The following C5orf58 variants were observed in gnomAD, a reference collection of about 807,000 sequenced individuals.
C5orf58 encodes chromosome 5 open reading frame 58, also known as putative uncharacterized protein C5orf58.
A neutral mutation model predicts 2.9 loss-of-function variants in C5orf58; 2 were observed. The ratio of observed to expected loss-of-function variants is 0.69; its 90% CI spans 0.28 to 2.18. The LOEUF (loss-of-function observed/expected upper bound fraction) is 2.18. Ranked by LOEUF, C5orf58 falls within the 30% of genes most tolerant of loss-of-function variation. The pLI, the probability that C5orf58 is intolerant of heterozygous loss-of-function variation, is 0.13. For synonymous variants in C5orf58, 37 were observed against 33.4 expected (o/e 1.11, Z -0.37); for missense variants, 96 against 91.7 (o/e 1.05, Z -0.19).
rs147281354 is a variant in C5orf58 at position 170,234,029 on chromosome 5, C to T, written c.-84-86C>T. The T allele has an allele frequency of 1.9e-4, 132 of 709,926 alleles. 1 individual carries two copies. In the East Asian group the frequency reaches 6.9e-3, roughly 37 times the overall value. The allele number at this position is 709,926 out of a possible 1,614,324, so 44.0% of individuals were successfully genotyped here. A position where few individuals can be genotyped will look rare whatever the true frequency, so the allele number is the denominator to read the frequency against. ...AACTTGACTCTTGGTTTGGCATGCC[C>T]AAGGAAGGCAGCTGACATCCTGGAG... On this transcript the variant is annotated intron_variant, in intron 1 of 3. Transcript: ENST00000593851.
intron 2 of C5orf58, chr5:170,251,496 AT>A: frequency 3.8e-6 from 1 of 266,146 alleles, no homozygotes; most frequent in South Asian, 3.7e-5. Context: ...TTATTGCTAC[AT>A]AATATTAATA....
At chr5:170,234,090 A>G in intron 1 of C5orf58, 25 bp from the exon 2 acceptor site, 1 of 1,338,104 alleles carries the variant, frequency 7.5e-7, no homozygotes, top group Non-Finnish European at 1.0e-6. Flanking sequence ...AGCGCATTTT[A>G]TTAATGTCTG....
rs774282513 is a variant in C5orf58, at chr5:170,235,012, T to C, written c.36T>C (p.Asn12=). The C allele has an allele frequency of 4.1e-5, 64 of 1,553,522 alleles. No individual in the cohort carries two copies. In the South Asian group the frequency reaches 7.2e-4, roughly 17 times the overall value. Residue 12 remains asparagine, a synonymous_variant, in exon 3 of 4, where the codon AAT becomes AAC. Coordinates refer to ENST00000593851, the MANE Select transcript of C5orf58 (RefSeq NM_001102609.3). ...AGCGTGTTACTGATCATAAGCTAAA[T>C]GTGGACAAAGTAATTAAAAATATTA... The part of the protein sequence containing the change: ...GKKRVTDHKL[N]VDKVIKNINT...
At chr5:170,238,781 A>G (rs905478478) in intron 3 of C5orf58, among the ~76,000 whole-genome samples, 2 of 152,228 alleles carry the variant, frequency 1.3e-5, no homozygotes, top group African/African-American at 4.8e-5. Flanking sequence ...AAATCTGAAA[A>G]AAATATGATT....
At chr5:170,245,708 T>A (rs1761248919) in intron 3 of C5orf58, among the ~76,000 whole-genome samples, 1 of 152,202 alleles carries the variant, frequency 6.6e-6, no homozygotes. Flanking sequence ...GTACCTCAGA[T>A]GGAAATGCAG....
chr5:170,237,254 CT>C (rs1760782624), intron 3 of C5orf58: 1 of 398,318 alleles, frequency 2.5e-6, no homozygotes, highest in South Asian at 1.3e-4. Flanking sequence ...TGCACCCTCA[CT>C]TCCTCCCCTA....
chr5:170,250,437 T>C (rs1761409215), downstream of C5orf58, among the ~76,000 whole-genome samples: 1 of 152,270 alleles, frequency 6.6e-6, no homozygotes, highest in South Asian at 2.1e-4. Context: ...TAGTGGGAAC[T>C]TTCCTTTGAC....
chr5:170,248,401 G>A (rs530885410), downstream of C5orf58: 2 of 270,746 alleles, frequency 7.4e-6, no homozygotes, highest in South Asian at 3.7e-5. Flanking sequence ...GTAAACTACT[G>A]TATTTTGAAA....
chr5:170,236,713 A>G (rs1409458023), intron 3 of C5orf58, among the ~76,000 whole-genome samples: 1 of 152,162 alleles, frequency 6.6e-6, no homozygotes, highest in African/African-American at 2.4e-5. Context: ...GCTTTTCTGT[A>G]TCTGTTTCAA....
chr5:170,235,158 A>T, intron 3 of C5orf58, 88 bp downstream of exon 3: 1 of 681,108 alleles, frequency 1.5e-6, no homozygotes, highest in South Asian at 1.8e-5. Flanking sequence ...GGTATAAGTA[A>T]ATTTTGCCCA....
downstream of C5orf58, chr5:170,248,109 A>G (rs1761340063): frequency 1.3e-5 from 2 of 152,356 alleles, no homozygotes; most frequent in African/African-American, 2.4e-5. Flanking sequence ...TTTTAATCCC[A>G]GAAGTTATCT....
downstream of C5orf58, among the ~76,000 whole-genome samples, chr5:170,249,409 AT>A (rs1461235079): frequency 6.7e-6 from 1 of 149,780 alleles, no homozygotes; most frequent in Non-Finnish European, 1.5e-5. Context: ...TATATATGTA[AT>A]TTGAAATGCA....
intron 3 of C5orf58, among the ~76,000 whole-genome samples, chr5:170,245,184 G>C (rs997893588): frequency 1.3e-5 from 2 of 152,180 alleles, no homozygotes; most frequent in Non-Finnish European, 2.9e-5. Context: ...AAAGCTGTCA[G>C]ACAGGGACAT....
At chr5:170,239,262 T>A (rs1325739800) in intron 3 of C5orf58, among the ~76,000 whole-genome samples, 1 of 152,154 alleles carries the variant, frequency 6.6e-6, no homozygotes, top group East Asian at 1.9e-4. Flanking sequence ...ATGAAGAATA[T>A]TTGTATAATT....
chr5:170,243,553 G>C (rs1042270630), intron 3 of C5orf58, among the ~76,000 whole-genome samples: 3 of 151,898 alleles, frequency 2.0e-5, no homozygotes, highest in South Asian at 4.2e-4. Context: ...TGTCTCTTTT[G>C]ATCTTTGTTG....
At chr5:170,239,669 T>C (rs929542963) in intron 3 of C5orf58, among the ~76,000 whole-genome samples, 2 of 152,190 alleles carry the variant, frequency 1.3e-5, no homozygotes, top group African/African-American at 4.8e-5. Context: ...TAAATCAAAT[T>C]TGTATAAATC....
chr5:170,245,010 C>T (rs548624266), intron 3 of C5orf58, among the ~76,000 whole-genome samples: 26 of 152,348 alleles, frequency 1.7e-4, no homozygotes, highest in Admixed American at 2.6e-4. Flanking sequence ...ACAGGACCCT[C>T]AGCTGCAGGT....
chr5:170,251,029 A>G (rs960518619), downstream of C5orf58: 44 of 613,474 alleles, frequency 7.2e-5, no homozygotes, highest in African/African-American at 8.2e-4. Flanking sequence ...CTGTCATTCA[A>G]CGAACATTCA....
At chr5:170,252,280 G>A, downstream of C5orf58, 1 of 459,098 alleles carries the variant, frequency 2.2e-6, no homozygotes, top group Non-Finnish European at 3.9e-6. Flanking sequence ...GGTGCTGGTA[G>A]TTGTGAAGCT....
Sources: gnomAD v4.1 joint callset for allele counts (sites outside exome capture counted in the v4.1 genomes callset) on GRCh38, gnomAD v4.1.1 for gene constraint, MANE v1.5 for transcripts, NCBI Gene and HGNC (gene_info 2026-07-23, HGNC 2026-07-21) for gene names.